TSPAN2: variants seen among roughly 807,000 people sequenced by gnomAD.
TSPAN2 encodes the protein tetraspanin 2.
In TSPAN2, 24 loss-of-function variants were observed where a neutral mutation model predicts 33.3. The observed-to-expected ratio is 0.72, with a 90% CI of 0.52 to 1.01. TSPAN2 has a LOEUF of 1.01. Among genes scored for constraint, TSPAN2 ranks in the 50% least tolerant of loss-of-function variants. TSPAN2 has a pLI of 0.00. For synonymous variants in TSPAN2, 114 were observed against 104.5 expected, an observed-to-expected ratio of 1.09 and a Z score of -0.56; for missense variants, 278 against 281.3, an observed-to-expected ratio of 0.99 and a Z score of 0.08.
chr1:115,082,473 TA>T (rs1364491832), intron 1 of TSPAN2, among the ~76,000 whole-genome samples: 7 of 152,232 alleles, frequency 4.6e-5, no homozygotes, highest in Admixed American at 3.3e-4. Context: ...TTGTGAGGAT[TA>T]AATTAGTTAA....
chr1:115,050,602 T>C lies in TSPAN2; in HGVS notation c.601-47A>G, dbSNP rs746432930. On this transcript the variant is annotated intron_variant, in intron 7 of 7. Coordinates refer to ENST00000369516, the MANE Select transcript of TSPAN2 (RefSeq NM_005725.6). The stretch of plus-strand genomic sequence containing the variant: ...TCAGTGACTTTGAAACGGGTACTGA[T>C]AGGTAAAAAGTTCAGCAGACTTCCT... The C allele has an allele frequency of 1.6e-5, 25 of 1,562,010 alleles. No individual in the cohort carries two copies. In the South Asian group the frequency reaches 1.8e-4, roughly 11 times the overall value.
At position 115,062,225 on chromosome 1, in the gene TSPAN2, A is replaced by G. The variant is rs747452339; in HGVS notation, c.180T>C (p.Tyr60=). The G allele has an allele frequency of 2.5e-6, 4 of 1,587,834 alleles. No homozygotes were observed. In the African/African-American group the frequency reaches 4.0e-5, roughly 16 times the overall value. The change falls in exon 3 of 8, where the codon TAT becomes TAC. Residue 60 remains tyrosine (Y), a synonymous_variant. Transcript: ENST00000369516. The part of the protein sequence containing the change: ...KSPEYFYVGL[Y]VLVGAGALMM... ...TCAGGGCCCCGGCTCCAACCAGAAC[A>G]TACAGCCCTGTGGGGAAGAGGTCAG... is the stretch of plus-strand genomic sequence containing the variant.
chr1:115,060,471 T>C lies in TSPAN2; in HGVS notation c.338A>G (p.Lys113Arg), dbSNP rs1385963834. The change falls in exon 4 of 8, where the codon AAG becomes AGG. Residue 113 changes from lysine to arginine, a missense_variant. Transcript: ENST00000369516. ...ATAAGTAATTTTACTTACTACCCCC[T>C]TGCCTATAAAAGCAAATACTCCAGT... is the stretch of plus-strand genomic sequence containing the variant. The part of the protein sequence containing the change: ...VTTGVFAFIG[K>R]GVAIRHVQTM... 1 of 1,612,534 alleles carries C rather than the reference T, an allele frequency of 6.2e-7. No homozygotes were observed. The highest frequency in any genetic ancestry group is 2.2e-5 in the East Asian group (1 of 44,828).
intron 2 of TSPAN2, among the ~76,000 whole-genome samples, chr1:115,071,466 C>A (rs1648174416): frequency 6.6e-6 from 1 of 152,176 alleles, no homozygotes; most frequent in South Asian, 2.1e-4. Flanking sequence ...GAACCTGGGC[C>A]TTTGATGACT....
At chr1:115,055,530 T>A (rs1003287194) in intron 6 of TSPAN2, among the ~76,000 whole-genome samples, 1 of 135,402 alleles carries the variant, frequency 7.4e-6, no homozygotes, top group Non-Finnish European at 1.6e-5. Flanking sequence ...ATGATGATTA[T>A]TTTTTTTTTT....
Position 115,060,551 on chromosome 1 carries a change from G to A in TSPAN2, c.271-13C>T. ...GGCAGGTAAAAAACTGTAGAGGAGA[G>A]AAAATACTAATTTCATTAATTTAAT... On this transcript the variant is annotated splice_polypyrimidine_tract_variant and intron_variant, in intron 3 of 7. Coordinates refer to ENST00000369516, the MANE Select transcript of TSPAN2 (RefSeq NM_005725.6). 1 of 1,601,352 alleles carries A rather than the reference G, an allele frequency of 6.2e-7. No homozygotes were observed. Among genetic ancestry groups the A allele is most frequent in the Non-Finnish European group, 8.5e-7 (1 of 1,170,886 alleles).
Position 115,051,578 on chromosome 1 carries a change from T to C in TSPAN2, c.601-1023A>G, listed in dbSNP as rs114694302. On this transcript the variant is annotated intron_variant, in intron 7 of 7. Coordinates refer to ENST00000369516, the MANE Select transcript of TSPAN2 (RefSeq NM_005725.6). ...ATTTTGTAGAGCCCATGGAACCCTATCTGTGGGCACCATTCCATAAACTAC... is the reference window on the plus strand; with the variant it reads ...ATTTTGTAGAGCCCATGGAACCCTACCTGTGGGCACCATTCCATAAACTAC... Among the ~76,000 whole-genome samples, 693 of 152,284 alleles carry C rather than the reference T, an allele frequency of 4.6e-3. 2 individuals are homozygous for C. The highest frequency in any genetic ancestry group is 0.016 in the African/African-American group (653 of 41,560).
At chr1:115,076,892 T>A (rs1435694364) in intron 1 of TSPAN2, among the ~76,000 whole-genome samples, 2 of 151,184 alleles carry the variant, frequency 1.3e-5, no homozygotes, top group Non-Finnish European at 2.9e-5. Context: ...ACATGAGAAA[T>A]TGCCAGAAAG....
At chr1:115,050,728 C>T (rs1675291411) in intron 7 of TSPAN2, among the ~76,000 whole-genome samples, 173 bp from the exon 8 acceptor site, 1 of 152,076 alleles carries the variant, frequency 6.6e-6, no homozygotes, top group Non-Finnish European at 1.5e-5. Flanking sequence ...GTAAATAATT[C>T]TAGATTAACT....
chr1:115,068,539 A>G (rs1648038633), intron 2 of TSPAN2, among the ~76,000 whole-genome samples: 1 of 152,208 alleles, frequency 6.6e-6, no homozygotes, highest in African/African-American at 2.4e-5. Context: ...ATAAGAGTTT[A>G]ATGGGCTGAT....
intron 1 of TSPAN2, among the ~76,000 whole-genome samples, chr1:115,073,648 G>A (rs1648282707): frequency 6.6e-6 from 1 of 151,476 alleles, no homozygotes; most frequent in Non-Finnish European, 1.5e-5. Flanking sequence ...AGATAGCCTA[G>A]TCTTTTTTTT....
intron 2 of TSPAN2, among the ~76,000 whole-genome samples, chr1:115,071,076 C>A (rs571102039): frequency 6.6e-6 from 1 of 152,260 alleles, no homozygotes; most frequent in Non-Finnish European, 1.5e-5. Context: ...GATTCCTCTG[C>A]TTTTTCCTTG....
At chr1:115,071,991 C>G (rs1346260942) in intron 2 of TSPAN2, among the ~76,000 whole-genome samples, 1 of 152,202 alleles carries the variant, frequency 6.6e-6, no homozygotes. Context: ...GTCACCACAG[C>G]AACTGAAGCT....
intron 4 of TSPAN2, 37 bp from the exon 5 acceptor site, chr1:115,059,018 T>A: frequency 6.5e-7 from 1 of 1,526,912 alleles, no homozygotes; most frequent in Non-Finnish European, 9.1e-7. Context: ...GACTTCTGGG[T>A]GGGAAGTTTC....
At chr1:115,076,942 A>G (rs1450125273) in intron 1 of TSPAN2, among the ~76,000 whole-genome samples, 1 of 145,840 alleles carries the variant, frequency 6.9e-6, no homozygotes. Context: ...TTTTTTTTTG[A>G]CAAGGTCTCA....
At chr1:115,077,888 C>G (rs1007462299) in intron 1 of TSPAN2, among the ~76,000 whole-genome samples, 1 of 152,216 alleles carries the variant, frequency 6.6e-6, no homozygotes, top group African/African-American at 2.4e-5. Context: ...CCAGTCTGCC[C>G]AGCTGTCCTC....
Position 115,062,202 on chromosome 1 carries a change from A to T in TSPAN2, c.203T>A (p.Leu68Gln). 6.3e-7 allele frequency: 1 copy of T among 1,597,084 alleles called. No homozygotes were observed. The highest frequency in any genetic ancestry group is 1.7e-5 in the Admixed American group (1 of 57,524). ...CCCGAAGAACCCCACGGCCATCATC[A>T]GGGCCCCGGCTCCAACCAGAACATA... ...GLYVLVGAGA[L>Q]MMAVGFFGCC... Residue 68 changes from leucine to glutamine, a missense_variant, in exon 3 of 8, where the codon CTG becomes CAG. Coordinates refer to ENST00000369516, the MANE Select transcript of TSPAN2 (RefSeq NM_005725.6).
At chr1:115,060,339 T>G (rs1647664379) in intron 4 of TSPAN2, 125 bp downstream of exon 4, 2 of 750,464 alleles carry the variant, frequency 2.7e-6, no homozygotes. Flanking sequence ...ACACCACTTC[T>G]AAGTTAAAAA....
intron 7 of TSPAN2, among the ~76,000 whole-genome samples, chr1:115,053,002 G>A (rs940143519): frequency 2.6e-5 from 4 of 152,166 alleles, no homozygotes; most frequent in Admixed American, 6.5e-5. Flanking sequence ...TAATCTCTAT[G>A]CTCTGCTGCC....
Sources: allele counts gnomAD v4.1 joint callset (sites outside exome capture counted in the v4.1 genomes callset), GRCh38; gene constraint gnomAD v4.1.1; transcripts MANE v1.5; gene names NCBI Gene and HGNC (gene_info 2026-07-23, HGNC 2026-07-21).